Variants in MAP3K2 observed in about 807,000 individuals in gnomAD.
The protein encoded by MAP3K2 is MAP/ERK kinase kinase 2.
A neutral mutation model predicts 80.3 loss-of-function variants in MAP3K2; 24 were observed. That is an observed-to-expected ratio of 0.30 (90% CI 0.22 to 0.42). The LOEUF (loss-of-function observed/expected upper bound fraction) is 0.42, where lower values mean the gene tolerates loss of function less well. Among genes scored for constraint, MAP3K2 ranks in the 10% least tolerant of loss-of-function variants. MAP3K2 has a pLI of 1.00. For synonymous variants in MAP3K2, 244 were observed against 253.7 expected, an observed-to-expected ratio of 0.96 and a Z score of 0.36; for missense variants, 608 against 750.1, an observed-to-expected ratio of 0.81 and a Z score of 2.21.
rs555185736 is a variant in MAP3K2 at position 127,337,465 on chromosome 2, A to T, written c.164+273T>A. 3.9e-5 allele frequency among the ~76,000 whole-genome samples: 6 copies of T among 152,354 alleles called. No homozygotes were observed. The East Asian group carries it at 9.6e-4, about 24-fold the overall frequency. ...TTAATTTCCCCCAAGTAAAAATGAA[A>T]GGAAGTGAAAATATGTAAAGGCTGT... is the stretch of plus-strand genomic sequence containing the variant. On this transcript the variant is annotated intron_variant, in intron 4 of 16. Coordinates refer to ENST00000682094, the MANE Select transcript of MAP3K2 (RefSeq NM_001371910.2).
In MAP3K2 at chr2:127,302,886, A is replaced by G. The variant is rs1266379268; in HGVS notation, c.*4693T>C. 6.6e-6 allele frequency: 1 copy of G among 152,000 alleles called. No individual in the cohort carries two copies. Among genetic ancestry groups the G allele is most frequent in the Non-Finnish European group, 1.5e-5 (1 of 67,990 alleles). 9.4% of individuals were successfully genotyped at this position (152,000 alleles called of 1,614,324 possible). On this transcript the variant is annotated 3_prime_UTR_variant, in exon 17 of 17. Transcript: ENST00000682094. ...TTTCTCTCCTAACATTTATTTATTT[A>G]TTTATTTATTTTTTTAAAAAGGAGG...
chr2:127,358,179 A>T (rs1288636206), intron 1 of MAP3K2, among the ~76,000 whole-genome samples: 1 of 152,234 alleles, frequency 6.6e-6, no homozygotes, highest in Non-Finnish European at 1.5e-5. Flanking sequence ...GACATTAAGG[A>T]TGGCAAATAA....
At chr2:127,353,501 G>C (rs995649156) in intron 1 of MAP3K2, among the ~76,000 whole-genome samples, 1 of 150,842 alleles carries the variant, frequency 6.6e-6, no homozygotes, top group South Asian at 2.1e-4. Context: ...CCCTCCGCCC[G>C]GCAGCCGCCC....
At chr2:127,388,417 T>C, upstream of MAP3K2, 1 of 985,392 alleles carries the variant, frequency 1.0e-6, no homozygotes, top group Non-Finnish European at 1.2e-6. Context: ...GTCTGCCTCT[T>C]AATTTGTGGC....
intron 1 of MAP3K2, among the ~76,000 whole-genome samples, chr2:127,348,315 G>A (rs56373535): frequency 2.6e-5 from 4 of 152,062 alleles, no homozygotes; most frequent in Non-Finnish European, 4.4e-5. Flanking sequence ...TTGAACATGG[G>A]AGGCAGATGT....
rs1685867668 is a variant in MAP3K2, at chr2:127,314,695, G to C, written c.1456+59C>G. On this transcript the variant is annotated intron_variant, in intron 15 of 16. Transcript: ENST00000682094. ...GTTAAATGTCTTACCCACATCACTT[G>C]TTTCATTCACATTCACTAAGAACTG... is the stretch of plus-strand genomic sequence containing the variant. 5 of 1,335,656 alleles carry C rather than the reference G, an allele frequency of 3.7e-6. No individual in the cohort carries two copies. In the Admixed American group the frequency reaches 6.0e-5, roughly 16 times the overall value. The allele number at this position is 1,335,656 out of a possible 1,614,324, so 82.7% of individuals were successfully genotyped here.
In MAP3K2 at chr2:127,300,944, A is replaced by G. The variant is rs1433193105; in HGVS notation, c.*6635T>C. ...TTCTTCTCCCCTCCAAGTAAAGCTA[A>G]TGCTAAAATCATCACTAGTTACATA... On this transcript the variant is annotated 3_prime_UTR_variant, in exon 17 of 17. Coordinates refer to ENST00000682094, the MANE Select transcript of MAP3K2 (RefSeq NM_001371910.2). 6.6e-6 allele frequency: 1 copy of G among 152,232 alleles called. No individual in the cohort carries two copies. Among genetic ancestry groups the G allele is most frequent in the Non-Finnish European group, 1.5e-5 (1 of 68,038 alleles). The allele number at this position is 152,232 out of a possible 1,614,324, so 9.4% of individuals were successfully genotyped here. A position where few individuals can be genotyped will look rare whatever the true frequency, so the allele number is the denominator to read the frequency against.
rs1553520024 is a variant in MAP3K2, at chr2:127,387,423, A to ACACACACACACACGCGC, written c.-66+28_-66+29insGCGCGTGTGTGTGTGTG. On this transcript the variant is annotated intron_variant, in intron 1 of 16. Transcript: ENST00000682094. ...GCACACACACACACACACACACACA[A>ACACACACACACACGCGC]GCGCGCGCGCACGCACACACGCACG... is the stretch of plus-strand genomic sequence containing the variant. 10 of 442,124 alleles carry ACACACACACACACGCGC rather than the reference A, an allele frequency of 2.3e-5. No homozygotes were observed. The African/African-American group carries it at 6.2e-4, about 28-fold the overall frequency. The allele number at this position is 442,124 out of a possible 1,614,324, so 27.4% of individuals were successfully genotyped here.
rs1191830079 is a variant in MAP3K2 at position 127,339,297 on chromosome 2, T to A, written c.5-247A>T. Among the ~76,000 whole-genome samples the A allele has an allele frequency of 6.6e-6, 1 of 152,202 alleles. No homozygotes were observed. The highest frequency in any genetic ancestry group is 1.5e-5 in the Non-Finnish European group (1 of 68,034). ...GATGAAGTCATTCTGATTCTTCCAA[T>A]GATTTAATATCCTAGAATAAGGTCA... On this transcript the variant is annotated intron_variant, in intron 2 of 16. Coordinates refer to ENST00000682094, the MANE Select transcript of MAP3K2 (RefSeq NM_001371910.2). This position sits in a 1 kb window ranked among gnomAD's most constrained non-coding sequence, Gnocchi z 4.2.
In MAP3K2 at chr2:127,318,251, T is replaced by G. The variant is rs750916978; in HGVS notation, c.1112A>C (p.Tyr371Ser). ...LLGQGAFGRV[Y>S]LCYDVDTGRE... ...TCCTGTATCAACATCATAACAGAGG[T>G]AGACCCTTCCAAAGGCTCCTTGGCC... Residue 371 changes from tyrosine (Y) to serine (S), a missense_variant, in exon 13 of 17, where the codon TAC becomes TCC. Transcript: ENST00000682094. 3 of 1,611,442 alleles carry G rather than the reference T, an allele frequency of 1.9e-6. No homozygotes were observed. Among genetic ancestry groups the G allele is most frequent in the Non-Finnish European group, 2.5e-6 (3 of 1,178,972 alleles).
At chr2:127,378,205 CA>C in intron 1 of MAP3K2, 1 of 970,276 alleles carries the variant, frequency 1.0e-6, no homozygotes, top group Non-Finnish European at 1.2e-6. Flanking sequence ...ACCAAAGGTA[CA>C]AATTTTAAAA....
chr2:127,314,531 A>C (rs1685864295), intron 15 of MAP3K2, among the ~76,000 whole-genome samples: 1 of 152,182 alleles, frequency 6.6e-6, no homozygotes, highest in Admixed American at 6.5e-5. Context: ...TGGTCTCTTA[A>C]ACTTTACTGG....
intron 1 of MAP3K2, among the ~76,000 whole-genome samples, chr2:127,361,793 T>C (rs1686897370): frequency 6.6e-6 from 1 of 152,244 alleles, no homozygotes; most frequent in Non-Finnish European, 1.5e-5. Flanking sequence ...GTAGAATGTT[T>C]TAGAGTCACA....
rs1037583660 is a variant in MAP3K2 at position 127,303,904 on chromosome 2, G to C, written c.*3675C>G. The C allele has an allele frequency of 6.6e-6, 1 of 152,130 alleles. No homozygotes were observed. Among genetic ancestry groups the C allele is most frequent in the African/African-American group, 2.4e-5 (1 of 41,444 alleles). 9.4% of individuals were successfully genotyped at this position (152,130 alleles called of 1,614,324 possible). On this transcript the variant is annotated 3_prime_UTR_variant, in exon 17 of 17. Coordinates refer to ENST00000682094, the MANE Select transcript of MAP3K2 (RefSeq NM_001371910.2). ...TCACATCTGATTTTATTTTCTAAGT[G>C]ATTTCACATATCTTATAACAACTCC...
chr2:127,333,743 G>A (rs1392974501), intron 5 of MAP3K2, among the ~76,000 whole-genome samples: 4 of 151,658 alleles, frequency 2.6e-5, no homozygotes, highest in Non-Finnish European at 4.4e-5. Context: ...CAGAAAGCAT[G>A]AGAAAAATAA....
rs1479598237 is a variant in MAP3K2 at position 127,352,904 on chromosome 2, T to C, written c.-65-9710A>G. Among the ~76,000 whole-genome samples, 3 of 152,188 alleles carry C rather than the reference T, an allele frequency of 2.0e-5. No homozygotes were observed. The East Asian group carries it at 5.8e-4, about 29-fold the overall frequency. ...TTGGTGGAGACGCGGTTTCGCTGTG[T>C]TGGCTGGGCTGGTCTCCAGCTCCTA... On this transcript the variant is annotated intron_variant, in intron 1 of 16. Coordinates refer to ENST00000682094, the MANE Select transcript of MAP3K2 (RefSeq NM_001371910.2).
chr2:127,314,062 G>C (rs956266552), intron 15 of MAP3K2, among the ~76,000 whole-genome samples: 8 of 152,128 alleles, frequency 5.3e-5, no homozygotes, highest in African/African-American at 1.9e-4. Context: ...ATGTTTTGTA[G>C]TATAGATTTT....
intron 7 of MAP3K2, among the ~76,000 whole-genome samples, chr2:127,329,447 C>T (rs1452975127): frequency 6.6e-6 from 1 of 151,658 alleles, no homozygotes; most frequent in Non-Finnish European, 1.5e-5. Context: ...ACCTCCGCCT[C>T]CCGGGTTCAA....
intron 1 of MAP3K2, among the ~76,000 whole-genome samples, chr2:127,377,720 G>A (rs768371467): frequency 4.9e-4 from 74 of 152,236 alleles, no homozygotes; most frequent in African/African-American, 7.7e-4. Flanking sequence ...CCTAAGATAC[G>A]GTTTGAAATT....
Sources: allele counts gnomAD v4.1 joint callset (sites outside exome capture counted in the v4.1 genomes callset), GRCh38; gene constraint gnomAD v4.1.1; non-coding constraint Gnocchi (gnomAD v3.1); transcripts MANE v1.5; gene names NCBI Gene and HGNC (gene_info 2026-07-23, HGNC 2026-07-21).